SLC25A26: variants seen among roughly 807,000 people sequenced by gnomAD.
SLC25A26 encodes the protein solute carrier family 25 member 26.
In SLC25A26, 36 loss-of-function variants were observed where a neutral mutation model predicts 37.8. That is an observed-to-expected ratio of 0.95 (90% CI 0.73 to 1.26). The LOEUF is 1.26. SLC25A26 is among the 50% of genes most tolerant of loss of function. The pLI is 0.00. For synonymous variants in SLC25A26, 129 were observed against 122.5 expected (o/e 1.05, Z -0.35); for missense variants, 390 against 331.1 (o/e 1.18, Z -1.38).
intron 1 of SLC25A26, among the ~76,000 whole-genome samples, chr3:66,156,040 G>T (rs1470848334): frequency 6.6e-6 from 1 of 152,258 alleles, no homozygotes; most frequent in East Asian, 1.9e-4. Flanking sequence ...AGATGATGTT[G>T]GGGAGATAGG....
At chr3:66,319,744 C>CTTTTTTTTTTTT (rs71105981) in intron 5 of SLC25A26, among the ~76,000 whole-genome samples, 1 of 92,090 alleles carries the variant, frequency 1.1e-5, no homozygotes, top group Admixed American at 1.3e-4. Context: ...GCAATTAAAT[C>CTTTTTTTTTTTT]TTTTTTTTTT....
At chr3:66,189,375 T>C (rs1457715576) in intron 1 of SLC25A26, among the ~76,000 whole-genome samples, 1 of 152,056 alleles carries the variant, frequency 6.6e-6, no homozygotes, top group Non-Finnish European at 1.5e-5. Context: ...ATACTGATTG[T>C]GATACTGCTC....
chr3:66,225,540 T>G (rs1334755371), intron 1 of SLC25A26, among the ~76,000 whole-genome samples: 5 of 152,186 alleles, frequency 3.3e-5, no homozygotes, highest in Non-Finnish European at 7.3e-5. Context: ...GGGGCTGCCA[T>G]GAAGGTCTCT....
intron 3 of SLC25A26, among the ~76,000 whole-genome samples, chr3:66,246,692 C>G (rs2072858417): frequency 6.6e-6 from 1 of 152,072 alleles, no homozygotes; most frequent in Admixed American, 6.5e-5. Context: ...TTTGGGGGTT[C>G]TGTGGTCCCT....
At chr3:66,333,590 CCT>C (rs1399292682) in intron 5 of SLC25A26, among the ~76,000 whole-genome samples, 1 of 152,124 alleles carries the variant, frequency 6.6e-6, no homozygotes, top group African/African-American at 2.4e-5. Context: ...CATCTTGACC[CCT>C]GTCTTTCTGG....
intron 3 of SLC25A26, among the ~76,000 whole-genome samples, chr3:66,259,692 T>G (rs1430945320): frequency 6.6e-6 from 1 of 152,204 alleles, no homozygotes; most frequent in African/African-American, 2.4e-5. Flanking sequence ...GTAACCCATC[T>G]TTTGCCTTCT....
chr3:66,326,420 G>A (rs371804124), intron 5 of SLC25A26, among the ~76,000 whole-genome samples: 15 of 152,340 alleles, frequency 9.8e-5, no homozygotes, highest in African/African-American at 3.6e-4. Context: ...CCCTGGTAGA[G>A]TCCGCTGCTC....
intron 1 of SLC25A26, among the ~76,000 whole-genome samples, chr3:66,177,614 C>T (rs2070610756): frequency 6.6e-6 from 1 of 152,208 alleles, no homozygotes; most frequent in South Asian, 2.1e-4. Flanking sequence ...TCACAACACA[C>T]CCATCGTCTG....
intron 1 of SLC25A26, among the ~76,000 whole-genome samples, chr3:66,204,135 A>G (rs943160475): frequency 0.094 from 14,324 of 152,228 alleles, 1,324 homozygotes; most frequent in Admixed American, 0.21. Context: ...CATGAAAATC[A>G]CGAGAATGGG....
chr3:66,208,845 T>G (rs1254744246), intron 1 of SLC25A26, among the ~76,000 whole-genome samples: 3 of 117,628 alleles, frequency 2.6e-5, no homozygotes, highest in African/African-American at 8.7e-5. Context: ...TGTACATATA[T>G]ATATATACCT....
intron 5 of SLC25A26, among the ~76,000 whole-genome samples, chr3:66,282,734 G>A (rs997591617): frequency 6.6e-6 from 1 of 152,144 alleles, no homozygotes; most frequent in Non-Finnish European, 1.5e-5. Flanking sequence ...CTTCTTTCCG[G>A]TGTTCAGTGC....
intron 5 of SLC25A26, among the ~76,000 whole-genome samples, chr3:66,273,506 A>G (rs1231451517): frequency 1.3e-5 from 2 of 152,074 alleles, no homozygotes; most frequent in South Asian, 4.1e-4. Flanking sequence ...AGAAAACCCC[A>G]TTGTCTCAGC....
chr3:66,158,400 C>T (rs533007092), intron 1 of SLC25A26, among the ~76,000 whole-genome samples: 17 of 152,170 alleles, frequency 1.1e-4, no homozygotes, highest in African/African-American at 2.6e-4. Context: ...TTATGAATAA[C>T]GCTGTTATAA....
At chr3:66,172,369 C>T (rs2070511796) in intron 1 of SLC25A26, among the ~76,000 whole-genome samples, 1 of 136,058 alleles carries the variant, frequency 7.3e-6, no homozygotes, top group Non-Finnish European at 1.5e-5. Context: ...CATGTTTGCA[C>T]CATTGTACTC....
At chr3:66,292,631 C>G (rs1387015693) in intron 5 of SLC25A26, among the ~76,000 whole-genome samples, 1 of 152,204 alleles carries the variant, frequency 6.6e-6, no homozygotes, top group Non-Finnish European at 1.5e-5. Context: ...CTCCACTCTC[C>G]TCTGGCTTGT....
At chr3:66,330,916 G>A (rs756371835) in intron 5 of SLC25A26, among the ~76,000 whole-genome samples, 16 of 151,990 alleles carry the variant, frequency 1.1e-4, no homozygotes, top group Admixed American at 2.0e-4. Flanking sequence ...AGAATCCATG[G>A]GAAAATCTTG....
intron 1 of SLC25A26, among the ~76,000 whole-genome samples, chr3:66,151,423 C>T (rs1018377134): frequency 6.6e-6 from 1 of 152,160 alleles, no homozygotes; most frequent in African/African-American, 2.4e-5. Context: ...CGAGCTGGGC[C>T]ATGCTAGCAA....
At chr3:66,373,366 G>GTTT (rs781209570) in intron 9 of SLC25A26, among the ~76,000 whole-genome samples, 1 of 152,238 alleles carries the variant, frequency 6.6e-6, no homozygotes, top group Non-Finnish European at 1.5e-5. Flanking sequence ...CCGTAATTAC[G>GTTT]TTAATAGATT....
chr3:66,154,372 G>T (rs2106698101), intron 1 of SLC25A26, among the ~76,000 whole-genome samples: 1 of 152,146 alleles, frequency 6.6e-6, no homozygotes, highest in East Asian at 1.9e-4. Flanking sequence ...GATGCCTTCT[G>T]CCTCATTTCT....
Sources: allele counts gnomAD v4.1 joint callset (sites outside exome capture counted in the v4.1 genomes callset), GRCh38; gene constraint gnomAD v4.1.1; transcripts MANE v1.5; gene names NCBI Gene and HGNC (gene_info 2026-07-23, HGNC 2026-07-21).